The following TRIM2 variants were observed in gnomAD, a reference collection of about 807,000 sequenced individuals.
The protein encoded by TRIM2 is tripartite motif containing 2, also known as tripartite motif-containing protein 2.
Under a neutral mutation model 75.2 loss-of-function variants are expected in TRIM2, and 20 were observed. That is an observed-to-expected ratio of 0.27 (90% CI 0.19 to 0.39). The LOEUF (loss-of-function observed/expected upper bound fraction) is 0.39, where lower values mean the gene tolerates loss of function less well. Ranked by LOEUF, TRIM2 falls within the 10% of genes least tolerant of loss-of-function variation. The pLI is 1.00. For missense variants in TRIM2, 660 were observed against 990.8 expected, an observed-to-expected ratio of 0.67 and a Z score of 4.48; for synonymous variants, 373 against 388.3, an observed-to-expected ratio of 0.96 and a Z score of 0.46.
chr4:153,199,929 A>G (rs1030663704), upstream of TRIM2, among the ~76,000 whole-genome samples: 43 of 140,638 alleles, frequency 3.1e-4, no homozygotes, highest in African/African-American at 8.6e-4. Flanking sequence ...AGGCACCACC[A>G]TGGCCAGCTA....
At chr4:153,164,717 C>A (rs1263041982) in intron 1 of TRIM2, among the ~76,000 whole-genome samples, 2 of 152,120 alleles carry the variant, frequency 1.3e-5, no homozygotes, top group Non-Finnish European at 2.9e-5. Flanking sequence ...TTTGTATTAT[C>A]TGTTGACTCT....
chr4:153,325,427 T>C (rs952305778), intron 10 of TRIM2, among the ~76,000 whole-genome samples: 18 of 152,262 alleles, frequency 1.2e-4, no homozygotes, highest in Admixed American at 9.8e-4. Flanking sequence ...GAAACTACTG[T>C]CCATGGGAAG....
intron 1 of TRIM2, among the ~76,000 whole-genome samples, chr4:153,209,132 C>A (rs1165115641): frequency 1.3e-5 from 2 of 152,162 alleles, no homozygotes; most frequent in Non-Finnish European, 1.5e-5. Flanking sequence ...CCTGAAGGCA[C>A]GTAAGGAGCA....
Position 153,295,543 on chromosome 4 carries a change from C to T in TRIM2, c.1017C>T (p.Ile339=), listed in dbSNP as rs115515921. ...IVETEGLKKS[I]HNLGTILTTN... is the part of the protein sequence containing the mutation. The stretch of plus-strand genomic sequence containing the variant: ...AAACCGAGGGGCTGAAGAAGTCCAT[C>T]CACAACCTCGGGACGATCTTAACCA... The change falls in exon 6 of 12, where the codon ATC becomes ATT. Residue 339 remains isoleucine, a synonymous_variant. Transcript: ENST00000338700. This position sits in a 1 kb window ranked among gnomAD's most constrained non-coding sequence, Gnocchi z 7.2. 945 of 1,613,422 alleles carry T rather than the reference C, an allele frequency of 5.9e-4. 7 individuals are homozygous for T. The East Asian group carries it at 0.015, about 26-fold the overall frequency.
At chr4:153,273,293 T>TTTTTTTTTTTTTTTTTG (rs1757231292) in intron 2 of TRIM2, among the ~76,000 whole-genome samples, 1 of 107,698 alleles carries the variant, frequency 9.3e-6, no homozygotes, top group African/African-American at 3.1e-5. Flanking sequence ...TTTTTTTTTT[T>TTTTTTTTTTTTTTTTTG]GAGACAGAGT....
In TRIM2 at chr4:153,335,875, A is replaced by G; in HGVS notation, c.*909A>G. 1.0e-6 allele frequency: 1 copy of G among 985,842 alleles called. No homozygotes were observed. The highest frequency in any genetic ancestry group is 1.2e-6 in the Non-Finnish European group (1 of 829,928). The allele number at this position is 985,842 out of a possible 1,614,324, so 61.1% of individuals were successfully genotyped here. A position where few individuals can be genotyped will look rare whatever the true frequency, so the allele number is the denominator to read the frequency against. ...CTTTACCTCCTGCAAATGTCAGCACATGTAGTAGGACACCAGTATCCTAGG... is the reference window on the plus strand; with the variant it reads ...CTTTACCTCCTGCAAATGTCAGCACGTGTAGTAGGACACCAGTATCCTAGG... On this transcript the variant is annotated 3_prime_UTR_variant, in exon 12 of 12. Coordinates refer to ENST00000338700, the MANE Select transcript of TRIM2 (RefSeq NM_015271.5).
At chr4:153,302,105 G>C (rs557766265) in intron 6 of TRIM2, among the ~76,000 whole-genome samples, 12 of 152,080 alleles carry the variant, frequency 7.9e-5, no homozygotes, top group Non-Finnish European at 1.3e-4. Flanking sequence ...CTATGAACAT[G>C]AGCCATCTTT....
chr4:153,200,722 AAAAT>A (rs1230245955), upstream of TRIM2, among the ~76,000 whole-genome samples: 5 of 123,184 alleles, frequency 4.1e-5, no homozygotes, highest in Non-Finnish European at 8.0e-5. Context: ...GTAAGAAAAA[AAAAT>A]ATATATATAT....
chr4:153,305,281 C>T (rs1306619389), intron 6 of TRIM2, among the ~76,000 whole-genome samples: 1 of 152,096 alleles, frequency 6.6e-6, no homozygotes, highest in African/African-American at 2.4e-5. Flanking sequence ...ACAAAGTTTC[C>T]TTTGTTTTGA....
rs1369049326 is a variant in TRIM2 at position 153,244,175 on chromosome 4, T to C, written c.31-26160T>C. ...CTTGTTCTTCTTCTTCTTCTTCTTCTTCTTCTCCTCCTTCTTCTTCTCCTC... is the reference window on the plus strand; with the variant it reads ...CTTGTTCTTCTTCTTCTTCTTCTTCCTCTTCTCCTCCTTCTTCTTCTCCTC... On this transcript the variant is annotated intron_variant, in intron 1 of 11. Transcript: ENST00000338700. 2.7e-5 allele frequency among the ~76,000 whole-genome samples: 4 copies of C among 145,906 alleles called. No individual in the cohort carries two copies. In the South Asian group the frequency reaches 6.5e-4, roughly 24 times the overall value.
chr4:153,311,922 A>ATTTATTTATTTAT (rs370049473), intron 6 of TRIM2, among the ~76,000 whole-genome samples: 8 of 144,664 alleles, frequency 5.5e-5, no homozygotes, highest in African/African-American at 8.0e-5. Flanking sequence ...TTATTTATTT[A>ATTTATTTATTTAT]TTATTATTAT....
chr4:153,293,749 G>T (rs1762268957), intron 4 of TRIM2, among the ~76,000 whole-genome samples: 1 of 152,212 alleles, frequency 6.6e-6, no homozygotes, highest in Non-Finnish European at 1.5e-5. Flanking sequence ...GTAATTCAAA[G>T]AACTTGGAAA....
rs1486407642 is a variant in TRIM2, at chr4:153,337,923, T to A, written c.*2957T>A. ...ACCCCCCAGCCCCCCTTGCTGGACA[T>A]GGGGAGGCAGAGAGTCACTTGACCA... On this transcript the variant is annotated 3_prime_UTR_variant, in exon 12 of 12. Transcript: ENST00000338700. 8.1e-6 allele frequency: 8 copies of A among 985,660 alleles called. No individual in the cohort carries two copies. The highest frequency in any genetic ancestry group is 9.6e-6 in the Non-Finnish European group (8 of 829,914). The allele number at this position is 985,660 out of a possible 1,614,324, so 61.1% of individuals were successfully genotyped here. A position where few individuals can be genotyped will look rare whatever the true frequency, so the allele number is the denominator to read the frequency against.
At position 153,270,941 on chromosome 4, in the gene TRIM2, T is replaced by A. The variant is rs1415779578; in HGVS notation, c.215+422T>A. ...ACATGAGTTGTTACTTCAAAAGGTA[T>A]AGCTTCTTTTTCAAAGATTCTTCAG... On this transcript the variant is annotated intron_variant, in intron 2 of 11. Coordinates refer to ENST00000338700, the MANE Select transcript of TRIM2 (RefSeq NM_015271.5). Among the ~76,000 whole-genome samples the A allele has an allele frequency of 2.0e-5, 3 of 152,200 alleles. 1 individual carries two copies. Among genetic ancestry groups the A allele is most frequent in the Admixed American group, 2.0e-4 (3 of 15,278 alleles).
At chr4:153,210,531 C>T (rs978119323) in intron 1 of TRIM2, among the ~76,000 whole-genome samples, 1 of 152,152 alleles carries the variant, frequency 6.6e-6, no homozygotes, top group Non-Finnish European at 1.5e-5. Flanking sequence ...CAAATGGAGC[C>T]AAATCCTTTT....
At chr4:153,324,371 G>A (rs1579736498) in intron 10 of TRIM2, 4 of 336,786 alleles carry the variant, frequency 1.2e-5, no homozygotes, top group East Asian at 6.1e-5. Flanking sequence ...ATTTGAAACT[G>A]GTGCAAATGA....
At chr4:153,186,650 A>G (rs1732627480) in intron 1 of TRIM2, among the ~76,000 whole-genome samples, 1 of 152,192 alleles carries the variant, frequency 6.6e-6, no homozygotes, top group Non-Finnish European at 1.5e-5. Context: ...CCCCTTTTCA[A>G]GTCTTGTCCC....
intron 3 of TRIM2, chr4:153,276,356 G>C (rs1758027450): frequency 1.7e-6 from 1 of 585,636 alleles, no homozygotes; most frequent in Admixed American, 3.0e-5. Flanking sequence ...CATATTGTTG[G>C]TATCCCCAGG....
intron 1 of TRIM2, among the ~76,000 whole-genome samples, chr4:153,262,693 T>C (rs1019304565): frequency 6.6e-6 from 1 of 152,096 alleles, no homozygotes; most frequent in Non-Finnish European, 1.5e-5. Flanking sequence ...TTTATAAAGG[T>C]AGTTTTGATC....
Sources: gnomAD v4.1 joint callset for allele counts (sites outside exome capture counted in the v4.1 genomes callset) on GRCh38, gnomAD v4.1.1 for gene constraint, Gnocchi (gnomAD v3.1) non-coding constraint, MANE v1.5 for transcripts, NCBI Gene and HGNC (gene_info 2026-07-23, HGNC 2026-07-21) for gene names.